Variants in CSMD1 observed in about 807,000 individuals in gnomAD.
The protein encoded by CSMD1 is CUB and sushi domain-containing protein 1.
A neutral mutation model predicts 417.5 loss-of-function variants in CSMD1; 213 were observed. The ratio of observed to expected loss-of-function variants is 0.51; its 90% CI spans 0.46 to 0.57. The LOEUF (loss-of-function observed/expected upper bound fraction) is 0.57, where lower values mean the gene tolerates loss of function less well. CSMD1 is among the 20% of genes least tolerant of loss of function. CSMD1 has a pLI of 0.00. For missense variants in CSMD1, 6,923 were observed against 4,529.7 expected (o/e 1.53, Z -15.17); for synonymous variants, 2,862 against 1,736.8 (o/e 1.65, Z -16.11).
intron 1 of CSMD1, among the ~76,000 whole-genome samples, chr8:4,792,784 C>A (rs557957631): frequency 6.6e-6 from 1 of 152,102 alleles, no homozygotes; most frequent in African/African-American, 2.4e-5. Context: ...CAGTACCATG[C>A]GTTCCAGGCG....
intron 1 of CSMD1, among the ~76,000 whole-genome samples, chr8:4,759,577 CT>C (rs36026476): frequency 0.2 from 31,105 of 152,008 alleles, 3,860 homozygotes; most frequent in African/African-American, 0.35. Flanking sequence ...AACCATCCCC[CT>C]GTCAGGTCCC....
At chr8:3,689,663 C>T (rs566188200) in intron 7 of CSMD1, among the ~76,000 whole-genome samples, 62 of 152,228 alleles carry the variant, frequency 4.1e-4, no homozygotes, top group African/African-American at 1.1e-3. Flanking sequence ...AGGCCTTACA[C>T]GAGTCATCTC....
rs1359965473 is a variant in CSMD1 at position 3,110,147 on chromosome 8, G to C, written c.6608+11C>G. ...CAATTACAGATATTTTGACTTGAGA[G>C]GTTCTCATACCAAACAGCAATGTAA... On this transcript the variant is annotated intron_variant, in intron 43 of 69. Coordinates refer to ENST00000635120, the MANE Select transcript of CSMD1 (RefSeq NM_033225.6). 2 of 1,586,352 alleles carry C rather than the reference G, an allele frequency of 1.3e-6. No homozygotes were observed. The highest frequency in any genetic ancestry group is 1.7e-6 in the Non-Finnish European group (2 of 1,163,994).
intron 52 of CSMD1, among the ~76,000 whole-genome samples, chr8:3,006,352 G>T (rs1807901380): frequency 6.7e-6 from 1 of 148,478 alleles, no homozygotes; most frequent in African/African-American, 2.5e-5. Flanking sequence ...ACTGCCCAAG[G>T]TAATTTACAG....
intron 1 of CSMD1, among the ~76,000 whole-genome samples, chr8:4,962,904 T>C (rs761737664): frequency 3.9e-5 from 6 of 152,112 alleles, no homozygotes; most frequent in East Asian, 1.9e-4. Context: ...TAAATCTATC[T>C]CCACTTTTCT....
chr8:3,487,009 G>A (rs1428826301), intron 11 of CSMD1, among the ~76,000 whole-genome samples: 3 of 152,038 alleles, frequency 2.0e-5, no homozygotes, highest in African/African-American at 2.4e-5. Flanking sequence ...AGTTGATCCT[G>A]AACCTCTCAC....
intron 18 of CSMD1, among the ~76,000 whole-genome samples, chr8:3,374,418 C>G (rs922255821): frequency 6.6e-6 from 1 of 152,178 alleles, no homozygotes; most frequent in Non-Finnish European, 1.5e-5. Context: ...AGAAAAGTCC[C>G]TGTTTTTCCA....
chr8:3,920,381 G>C (rs1055495388), intron 5 of CSMD1, among the ~76,000 whole-genome samples: 3 of 151,538 alleles, frequency 2.0e-5, no homozygotes, highest in Non-Finnish European at 2.9e-5. Flanking sequence ...GTGTTTATGT[G>C]TGTGTGGACA....
rs185804463 is a variant in CSMD1 at position 4,510,167 on chromosome 8, G to A, written c.303-90102C>T. On this transcript the variant is annotated intron_variant, in intron 2 of 69. Coordinates refer to ENST00000635120, the MANE Select transcript of CSMD1 (RefSeq NM_033225.6). ...CCCTTTGCCTGCTGCCATGGAAGAC[G>A]TGACTTTGCTCCTCATTCACCTTCC... is the stretch of plus-strand genomic sequence containing the variant. Among the ~76,000 whole-genome samples, 273 of 152,028 alleles carry A rather than the reference G, an allele frequency of 1.8e-3. 2 individuals are homozygous for A. The highest frequency in any genetic ancestry group is 6.3e-3 in the African/African-American group (260 of 41,476).
chr8:3,792,744 T>C (rs1799821267), intron 5 of CSMD1, among the ~76,000 whole-genome samples: 1 of 152,180 alleles, frequency 6.6e-6, no homozygotes, highest in South Asian at 2.1e-4. Context: ...GAATGCTCAT[T>C]TTCTGATGTT....
intron 1 of CSMD1, among the ~76,000 whole-genome samples, chr8:4,883,145 C>A (rs1803518020): frequency 6.6e-6 from 1 of 152,008 alleles, no homozygotes; most frequent in Non-Finnish European, 1.5e-5. Context: ...TTCAATATCG[C>A]AATGGGGCAT....
intron 5 of CSMD1, among the ~76,000 whole-genome samples, chr8:3,789,379 T>C (rs1799607823): frequency 7.2e-6 from 1 of 139,322 alleles, no homozygotes; most frequent in Non-Finnish European, 1.5e-5. Flanking sequence ...GTGTTTTTTT[T>C]TTTAAGTAGT....
At chr8:3,017,806 TAAAAAAAAAAAAAAAAAA>T (rs777717027) in intron 52 of CSMD1, among the ~76,000 whole-genome samples, 2 of 76,484 alleles carry the variant, frequency 2.6e-5, no homozygotes, top group Admixed American at 1.6e-4. Flanking sequence ...TTGAGTGATT[TAAAAAAAAAAAAAAAAAA>T]AAAAAAAAAA....
At chr8:4,704,477 A>C (rs1807791395) in intron 1 of CSMD1, among the ~76,000 whole-genome samples, 2 of 152,126 alleles carry the variant, frequency 1.3e-5, no homozygotes, top group African/African-American at 4.8e-5. Flanking sequence ...CAATTTCAGA[A>C]ATTTGAATTT....
chr8:3,943,924 G>C (rs1811057850), intron 5 of CSMD1, among the ~76,000 whole-genome samples: 3 of 152,062 alleles, frequency 2.0e-5, no homozygotes, highest in South Asian at 2.1e-4. Context: ...TTCTGAGCCA[G>C]AAAACACAAT....
In CSMD1 at chr8:4,837,483, G is replaced by C. The variant is rs568757551; in HGVS notation, c.85+156849C>G. Reference sequence around the variant, plus strand: ...GAGATCATTGTGTTAACTAAAATAAGCCAGGCACAGAAAGGCAAACACAAA... The same window carrying C: ...GAGATCATTGTGTTAACTAAAATAACCCAGGCACAGAAAGGCAAACACAAA... On this transcript the variant is annotated intron_variant, in intron 1 of 69. Coordinates refer to ENST00000635120, the MANE Select transcript of CSMD1 (RefSeq NM_033225.6). 4.6e-5 allele frequency among the ~76,000 whole-genome samples: 7 copies of C among 152,256 alleles called. No homozygotes were observed. The East Asian group carries it at 1.3e-3, about 29-fold the overall frequency.
chr8:4,732,953 G>A lies in CSMD1; in HGVS notation c.86-95395C>T, dbSNP rs1158399893. Among the ~76,000 whole-genome samples, 6 of 152,124 alleles carry A rather than the reference G, an allele frequency of 3.9e-5. No homozygotes were observed. The East Asian group carries it at 9.7e-4, about 25-fold the overall frequency. ...GAGGCAGCAAGGGCGGAGAAGGAGG[G>A]AACAGGTGCATTTGTACCTCAGCAC... On this transcript the variant is annotated intron_variant, in intron 1 of 69. Transcript: ENST00000635120.
intron 5 of CSMD1, among the ~76,000 whole-genome samples, chr8:3,903,326 A>G (rs1342346419): frequency 5.1e-5 from 1 of 19,720 alleles, no homozygotes; most frequent in Non-Finnish European, 8.2e-5. Flanking sequence ...TAATCTGTCC[A>G]GCTAAAAAAA....
chr8:4,129,496 G>C (rs142671057), intron 3 of CSMD1, among the ~76,000 whole-genome samples: 1 of 152,132 alleles, frequency 6.6e-6, no homozygotes, highest in Non-Finnish European at 1.5e-5. Flanking sequence ...AAAAAGTCTA[G>C]GAGTAAATGA....
Sources: gnomAD v4.1 joint callset for allele counts (sites outside exome capture counted in the v4.1 genomes callset) on GRCh38, gnomAD v4.1.1 for gene constraint, MANE v1.5 for transcripts, NCBI Gene and HGNC (gene_info 2026-07-23, HGNC 2026-07-21) for gene names.